Variants in PTPRG observed in about 807,000 individuals in gnomAD.
The protein encoded by PTPRG is receptor-type tyrosine-protein phosphatase gamma.
A neutral mutation model predicts 165.3 loss-of-function variants in PTPRG; 102 were observed. That is an observed-to-expected ratio of 0.62 (90% CI 0.53 to 0.73). The LOEUF is 0.73. PTPRG is among the 30% of genes least tolerant of loss of function. The pLI, the probability that PTPRG is intolerant of heterozygous loss-of-function variation, is 0.00. For synonymous variants in PTPRG, 675 were observed against 669.5 expected (o/e 1.01, Z -0.13); for missense variants, 1,866 against 1,861.4 (o/e 1.00, Z -0.05).
Position 61,802,213 on chromosome 3 carries a change from G to C in PTPRG, c.190+53231G>C, listed in dbSNP as rs113916394. ...TAATATACAAAAGTAGGAGGAGTAGGAGAATGAGCCCTGGTGTAGTCATTG... is the reference window on the plus strand; with the variant it reads ...TAATATACAAAAGTAGGAGGAGTAGCAGAATGAGCCCTGGTGTAGTCATTG... On this transcript the variant is annotated intron_variant, in intron 2 of 29. Coordinates refer to ENST00000474889, the MANE Select transcript of PTPRG (RefSeq NM_002841.4). Among the ~76,000 whole-genome samples the C allele has an allele frequency of 1.7e-3, 257 of 152,232 alleles. 1 individual carries two copies. The highest frequency in any genetic ancestry group is 5.9e-3 in the African/African-American group (247 of 41,546).
intron 1 of PTPRG, among the ~76,000 whole-genome samples, chr3:61,613,918 C>T (rs1701241719): frequency 6.6e-6 from 1 of 152,186 alleles, no homozygotes; most frequent in Non-Finnish European, 1.5e-5. Flanking sequence ...GAATGATCCT[C>T]ACATCCTGTT....
chr3:62,115,002 A>G lies in PTPRG; in HGVS notation c.616-17600A>G, dbSNP rs562351885. On this transcript the variant is annotated intron_variant, in intron 5 of 29. Coordinates refer to ENST00000474889, the MANE Select transcript of PTPRG (RefSeq NM_002841.4). ...CTATGGTAATTTACATTCTTGGGCT[A>G]CTATTTACTGACACTGTTTTGCTAA... Among the ~76,000 whole-genome samples, 12 of 152,326 alleles carry G rather than the reference A, an allele frequency of 7.9e-5. No individual in the cohort carries two copies. In the South Asian group the frequency reaches 2.3e-3, roughly 29 times the overall value.
At chr3:62,167,919 GT>G (rs1460616155) in intron 7 of PTPRG, 51 bp from the exon 8 acceptor site, 2 of 1,517,236 alleles carry the variant, frequency 1.3e-6, no homozygotes, top group Non-Finnish European at 1.8e-6. Context: ...ATTGATGTGT[GT>G]TTTTTGTGTT....
intron 1 of PTPRG, among the ~76,000 whole-genome samples, chr3:61,715,183 G>GTT (rs796135049): frequency 2.1e-4 from 30 of 141,520 alleles, no homozygotes; most frequent in Non-Finnish European, 3.7e-4. Flanking sequence ...TTTTTTCTTT[G>GTT]TTTTTTTTTT....
At chr3:61,751,818 G>T (rs879056193) in intron 2 of PTPRG, among the ~76,000 whole-genome samples, 11 of 151,914 alleles carry the variant, frequency 7.2e-5, no homozygotes, top group African/African-American at 9.7e-5. Flanking sequence ...GTGAAATCCC[G>T]TCTCTACTAA....
At chr3:61,570,514 G>T (rs1398573514) in intron 1 of PTPRG, among the ~76,000 whole-genome samples, 1 of 152,152 alleles carries the variant, frequency 6.6e-6, no homozygotes, top group Non-Finnish European at 1.5e-5. Flanking sequence ...GTGAAGCAGG[G>T]TGTTGTATAA....
chr3:61,958,425 A>G lies in PTPRG; in HGVS notation c.191-31200A>G, dbSNP rs1315410925. ...GCTGGGATTGTAGGCCTGAGCCACC[A>G]TGGCTGGCTGGAATTATCTTGAATC... On this transcript the variant is annotated intron_variant, in intron 2 of 29. Coordinates refer to ENST00000474889, the MANE Select transcript of PTPRG (RefSeq NM_002841.4). 3.9e-5 allele frequency among the ~76,000 whole-genome samples: 6 copies of G among 152,184 alleles called. No homozygotes were observed. The East Asian group carries it at 1.2e-3, about 29-fold the overall frequency.
At chr3:61,654,234 A>G (rs948557683) in intron 1 of PTPRG, among the ~76,000 whole-genome samples, 1 of 151,856 alleles carries the variant, frequency 6.6e-6, no homozygotes. Flanking sequence ...CCTGCCCGCC[A>G]CCCCCTGCAC....
intron 26 of PTPRG, among the ~76,000 whole-genome samples, chr3:62,277,970 T>G (rs759282184): frequency 1.1e-4 from 17 of 152,142 alleles, no homozygotes; most frequent in Non-Finnish European, 2.5e-4. Flanking sequence ...CATTAATATA[T>G]GACTACACCA....
intron 1 of PTPRG, among the ~76,000 whole-genome samples, chr3:61,708,574 C>T (rs1329980487): frequency 5.3e-5 from 8 of 150,820 alleles, no homozygotes; most frequent in African/African-American, 1.7e-4. Flanking sequence ...TCTGCCTCAG[C>T]CTCCTGAGTA....
rs1360835480 is a variant in PTPRG at position 61,873,435 on chromosome 3, CA to C, written c.191-116183del. On this transcript the variant is annotated intron_variant, in intron 2 of 29. Transcript: ENST00000474889. ...TGAAATCATATTTTAAATATAGTAG[CA>C]AAAAAATATAGACATAGCAAAATAC... Among the ~76,000 whole-genome samples the C allele has an allele frequency of 7.2e-5, 11 of 151,884 alleles. No homozygotes were observed. The South Asian group carries it at 1.3e-3, about 17-fold the overall frequency.
chr3:61,918,620 T>C (rs150110821), intron 2 of PTPRG, among the ~76,000 whole-genome samples: 395 of 152,300 alleles, frequency 2.6e-3, no homozygotes, highest in African/African-American at 9.2e-3. Context: ...TTATTGTAAC[T>C]TTAAGCTCAA....
At chr3:61,736,807 A>G (rs612332) in intron 1 of PTPRG, among the ~76,000 whole-genome samples, 88,613 of 151,976 alleles carry the variant, frequency 0.58, 27,192 homozygotes, top group Middle Eastern at 0.7. Flanking sequence ...TTTACAAAGC[A>G]TATATTGGTT....
At chr3:61,992,568 G>A (rs762495258) in intron 3 of PTPRG, among the ~76,000 whole-genome samples, 2 of 151,540 alleles carry the variant, frequency 1.3e-5, no homozygotes, top group African/African-American at 2.4e-5. Context: ...CACCCAGGCC[G>A]CAGTGCATTG....
Position 62,215,984 on chromosome 3 carries a change from G to A in PTPRG, c.2156-2867G>A, listed in dbSNP as rs138122188. Among the ~76,000 whole-genome samples the A allele has an allele frequency of 1.4e-4, 22 of 152,270 alleles. 1 individual carries two copies. In the East Asian group the frequency reaches 3.5e-3, roughly 24 times the overall value. On this transcript the variant is annotated intron_variant, in intron 12 of 29. Transcript: ENST00000474889. ...TGTAATCCCAGCACTTTGGGAGGCCGAGGCGGGAGGATCACTTGAGGTCAG... is the reference window on the plus strand; with the variant it reads ...TGTAATCCCAGCACTTTGGGAGGCCAAGGCGGGAGGATCACTTGAGGTCAG...
intron 4 of PTPRG, among the ~76,000 whole-genome samples, chr3:62,013,098 C>G (rs922567407): frequency 6.6e-6 from 1 of 151,588 alleles, no homozygotes; most frequent in African/African-American, 2.4e-5. Flanking sequence ...TACAATAATA[C>G]AACTTAAACA....
intron 12 of PTPRG, 67 bp from the exon 13 acceptor site, chr3:62,218,784 C>G: frequency 2.0e-6 from 3 of 1,534,308 alleles, no homozygotes; most frequent in Non-Finnish European, 2.7e-6. Flanking sequence ...GAACAGAACT[C>G]TGCATCAATT....
intron 2 of PTPRG, among the ~76,000 whole-genome samples, chr3:61,912,281 A>G (rs1406277501): frequency 6.6e-6 from 1 of 152,182 alleles, no homozygotes; most frequent in Non-Finnish European, 1.5e-5. Flanking sequence ...ACAGTCAGCA[A>G]ACAAAACAAT....
In PTPRG at chr3:62,240,022, C is replaced by G. The variant is rs1452735093; in HGVS notation, c.2376-3785C>G. ...CTGACCACCTTCATCAGTCCCTGGC[C>G]CAGAGTAGACCCCCCAATAGATAGT... On this transcript the variant is annotated intron_variant, in intron 14 of 29. Transcript: ENST00000474889. This position sits in a 1 kb window ranked among gnomAD's most constrained non-coding sequence, Gnocchi z 5.1. Among the ~76,000 whole-genome samples the G allele has an allele frequency of 6.6e-6, 1 of 152,010 alleles. No individual in the cohort carries two copies. The highest frequency in any genetic ancestry group is 6.6e-5 in the Admixed American group (1 of 15,266).
Sources: allele counts gnomAD v4.1 joint callset (sites outside exome capture counted in the v4.1 genomes callset), GRCh38; gene constraint gnomAD v4.1.1; non-coding constraint Gnocchi (gnomAD v3.1); transcripts MANE v1.5; gene names NCBI Gene and HGNC (gene_info 2026-07-23, HGNC 2026-07-21).